PER2: variants seen among roughly 807,000 people sequenced by gnomAD.
PER2 encodes period circadian protein homolog 2.
PER2 carries 66 observed loss-of-function variants against 121.0 expected under a neutral mutation model. The ratio of observed to expected loss-of-function variants is 0.55; its 90% CI spans 0.45 to 0.67. The LOEUF (loss-of-function observed/expected upper bound fraction) is 0.67, where lower values mean the gene tolerates loss of function less well. Ranked by LOEUF, PER2 falls within the 30% of genes least tolerant of loss-of-function variation. The pLI is 0.00. For missense variants in PER2, 1,521 were observed against 1,635.0 expected (o/e 0.93, Z 1.20); for synonymous variants, 684 against 659.9 (o/e 1.04, Z -0.56).
chr2:238,272,458 T>C (rs1574855096), intron 5 of PER2, among the ~76,000 whole-genome samples: 2 of 152,164 alleles, frequency 1.3e-5, no homozygotes, highest in African/African-American at 4.8e-5. Context: ...GGGCTCAGGG[T>C]TGGGGGCTGC....
intron 1 of PER2, among the ~76,000 whole-genome samples, chr2:238,278,517 T>A (rs60746016): frequency 0.063 from 9,611 of 152,206 alleles, 357 homozygotes; most frequent in South Asian, 0.13. Context: ...GACGGCCTCA[T>A]CAGAAGGCAG....
rs140427749 is a variant in PER2, at chr2:238,255,185, G to A, written c.2320+472C>T. 371 of 240,242 alleles carry A rather than the reference G, an allele frequency of 1.5e-3. 2 individuals carry two copies. Among genetic ancestry groups the A allele is most frequent in the African/African-American group, 7.9e-3 (347 of 43,808 alleles). The allele number at this position is 240,242 out of a possible 1,614,324, so 14.9% of individuals were successfully genotyped here. ...ATGACCATGGACTCTGCCTGACTCT[G>A]GAGTCCAAAGCCCAGCCCTGAGGCT... On this transcript the variant is annotated intron_variant, in intron 18 of 22. Transcript: ENST00000254657.
chr2:238,256,621 G>A (rs958315279), intron 17 of PER2, among the ~76,000 whole-genome samples: 1 of 152,152 alleles, frequency 6.6e-6, no homozygotes, highest in Non-Finnish European at 1.5e-5. Flanking sequence ...CGCTCCCAGT[G>A]CTCTCCGCAC....
At chr2:238,284,050 T>C (rs1476089382) in intron 1 of PER2, among the ~76,000 whole-genome samples, 3 of 152,164 alleles carry the variant, frequency 2.0e-5, no homozygotes, top group Non-Finnish European at 4.4e-5. Flanking sequence ...GGGGTAACAG[T>C]AGTTCCTGCC....
At chr2:238,276,048 T>G (rs917622879) in intron 3 of PER2, 151 bp from the exon 4 acceptor site, 1 of 591,576 alleles carries the variant, frequency 1.7e-6, no homozygotes, top group Non-Finnish European at 3.0e-6. Context: ...TTTCTCAGCC[T>G]CGGCTCTAGA....
intron 21 of PER2, 22 bp downstream of exon 21, chr2:238,250,521 CAGGTGCCT>C (rs1695568314): frequency 6.4e-7 from 1 of 1,553,104 alleles, no homozygotes. Context: ...CATCCCTCCC[CAGGTGCCT>C]AGGAAAACGC....
At chr2:238,247,248 C>T (rs555299278) in intron 22 of PER2, 1 of 152,422 alleles carries the variant, frequency 6.6e-6, no homozygotes, top group East Asian at 1.9e-4. Flanking sequence ...CCTTGGCTTC[C>T]TCTTTTCCTC....
chr2:238,276,212 G>A (rs979358952), intron 3 of PER2, among the ~76,000 whole-genome samples: 2 of 152,232 alleles, frequency 1.3e-5, no homozygotes, highest in African/African-American at 4.8e-5. Context: ...CCCTTGGTGG[G>A]GCTCTGTAGG....
rs371628594 is a variant in PER2 at position 238,266,041 on chromosome 2, C to T, written c.968-451G>A. Among the ~76,000 whole-genome samples the T allele has an allele frequency of 1.1e-3, 174 of 152,114 alleles. 3 individuals are homozygous for T. The East Asian group carries it at 0.019, about 17-fold the overall frequency. On this transcript the variant is annotated intron_variant, in intron 8 of 22. Coordinates refer to ENST00000254657, the MANE Select transcript of PER2 (RefSeq NM_022817.3). ...GCTTCAGCCTCTCCAGTAGTTGGGA[C>T]TACAGGCGTGTGCCACCACGCCCAG...
intron 5 of PER2, among the ~76,000 whole-genome samples, chr2:238,272,284 C>G (rs1304170577): frequency 3.3e-5 from 5 of 152,208 alleles, no homozygotes; most frequent in Non-Finnish European, 7.4e-5. Flanking sequence ...GGTGTCCAGG[C>G]TGGGTGACTG....
chr2:238,256,292 C>T (rs1006192968), intron 17 of PER2, among the ~76,000 whole-genome samples: 1 of 152,174 alleles, frequency 6.6e-6, no homozygotes, highest in African/African-American at 2.4e-5. Flanking sequence ...TAGATGGGAC[C>T]CTATGGGCCC....
At chr2:238,257,255 T>C (rs1172731905) in intron 16 of PER2, among the ~76,000 whole-genome samples, 169 bp from the exon 17 acceptor site, 1 of 152,218 alleles carries the variant, frequency 6.6e-6, no homozygotes, top group African/African-American at 2.4e-5. Flanking sequence ...TTGTCCCCAA[T>C]GTTTATTCAT....
chr2:238,298,454 T>TA, the PER2 span: 1 of 152,280 alleles, frequency 6.6e-6, no homozygotes, highest in Non-Finnish European at 1.5e-5. Context: ...CGTTGGAATC[T>TA]ATCTTCCCAC....
At position 238,268,698 on chromosome 2, in the gene PER2, G is replaced by A. The variant is rs1228766492; in HGVS notation, c.824+225C>T. 6.6e-6 allele frequency among the ~76,000 whole-genome samples: 1 copy of A among 152,242 alleles called. No individual in the cohort carries two copies. Among genetic ancestry groups the A allele is most frequent in the East Asian group, 1.9e-4 (1 of 5,192 alleles). On this transcript the variant is annotated intron_variant, in intron 7 of 22. Transcript: ENST00000254657. This position sits in a 1 kb window ranked among gnomAD's most constrained non-coding sequence, Gnocchi z 4.0. ...GGCCTTTGCAAGACACAGAGAGAAAGTGCAGGTCCATGAGGGGCAGGTTAA... is the reference window on the plus strand; with the variant it reads ...GGCCTTTGCAAGACACAGAGAGAAAATGCAGGTCCATGAGGGGCAGGTTAA...
rs1264496888 is a variant in PER2 at position 238,268,654 on chromosome 2, C to CT, written c.824+268dup. 2.0e-5 allele frequency among the ~76,000 whole-genome samples: 3 copies of CT among 152,234 alleles called. No individual in the cohort carries two copies. Among genetic ancestry groups the CT allele is most frequent in the African/African-American group, 4.8e-5 (2 of 41,470 alleles). On this transcript the variant is annotated intron_variant, in intron 7 of 22. Transcript: ENST00000254657. This position sits in a 1 kb window ranked among gnomAD's most constrained non-coding sequence, Gnocchi z 4.0. Reference sequence around the variant, plus strand: ...AAAAGACGCAGTGCTTTCAGAAACTCTGTCGACCCTGGGGTACAGGCCTTT... The same window carrying CT: ...AAAAGACGCAGTGCTTTCAGAAACTCTTGTCGACCCTGGGGTACAGGCCTTT...
intron 2 of PER2, 47 bp downstream of exon 2, chr2:238,277,660 G>A (rs1478793969): frequency 1.2e-6 from 2 of 1,608,316 alleles, no homozygotes; most frequent in East Asian, 4.5e-5. Context: ...ATGAGCCACT[G>A]AGAAAACAAC....
chr2:238,245,344 C>T lies in PER2; in HGVS notation c.*1031G>A, dbSNP rs571355389. The T allele has an allele frequency of 5.3e-6, 2 of 379,060 alleles. No homozygotes were observed. Among genetic ancestry groups the T allele is most frequent in the South Asian group, 2.9e-4 (2 of 6,838 alleles). 23.5% of individuals were successfully genotyped at this position (379,060 alleles called of 1,614,324 possible). On this transcript the variant is annotated 3_prime_UTR_variant, in exon 23 of 23. Coordinates refer to ENST00000254657, the MANE Select transcript of PER2 (RefSeq NM_022817.3). ...GCTCATGAAAAGAATGAGGGCTGTG[C>T]ACCCAACCCAGGGTGCAGTGGGAGA... is the stretch of plus-strand genomic sequence containing the variant.
rs1028281461 is a variant in PER2, at chr2:238,246,338, G to A, written c.*37C>T. 3 of 1,531,048 alleles carry A rather than the reference G, an allele frequency of 2.0e-6. No individual in the cohort carries two copies. The African/African-American group carries it at 4.1e-5, about 21-fold the overall frequency. 94.8% of individuals were successfully genotyped at this position (1,531,048 alleles called of 1,614,324 possible). ...TCATCTCTTCCAAGCACCACCTGGT[G>A]TACCTCGCTGGCTGCCGGGCTGAGG... On this transcript the variant is annotated 3_prime_UTR_variant, in exon 23 of 23. Coordinates refer to ENST00000254657, the MANE Select transcript of PER2 (RefSeq NM_022817.3).
chr2:238,292,328 C>T (rs1359601289), upstream of PER2, among the ~76,000 whole-genome samples: 1 of 152,240 alleles, frequency 6.6e-6, no homozygotes, highest in African/African-American at 2.4e-5. Context: ...AAGGAAGTCA[C>T]AAGATTGAGC....
Sources: allele counts gnomAD v4.1 joint callset (sites outside exome capture counted in the v4.1 genomes callset), GRCh38; gene constraint gnomAD v4.1.1; non-coding constraint Gnocchi (gnomAD v3.1); transcripts MANE v1.5; gene names NCBI Gene and HGNC (gene_info 2026-07-23, HGNC 2026-07-21).